The following NPAS2 variants were observed in gnomAD, a reference collection of about 807,000 sequenced individuals.
NPAS2 encodes neuronal PAS domain-containing protein 2.
NPAS2 carries 23 observed loss-of-function variants against 107.5 expected under a neutral mutation model. That is an observed-to-expected ratio of 0.21 (90% CI 0.15 to 0.30). NPAS2 has a LOEUF of 0.30. Ranked by LOEUF, NPAS2 falls within the 10% of genes least tolerant of loss-of-function variation. The probability of loss-of-function intolerance (pLI) is 1.00; values close to 1 mark genes in which losing one functional copy is unlikely to be tolerated. For missense variants in NPAS2, 756 were observed against 1,043.3 expected (o/e 0.72, Z 3.79); for synonymous variants, 403 against 417.5 (o/e 0.97, Z 0.42).
intron 1 of NPAS2, among the ~76,000 whole-genome samples, chr2:100,903,605 G>A (rs1681935521): frequency 6.6e-6 from 1 of 152,206 alleles, no homozygotes; most frequent in Non-Finnish European, 1.5e-5. Flanking sequence ...TTTGCGAAGT[G>A]CTGGTTTGGG....
Position 100,995,929 on chromosome 2 carries a change from G to A in NPAS2, c.*347G>A. The A allele has an allele frequency of 7.1e-7, 1 of 1,398,872 alleles. No individual in the cohort carries two copies. The allele number at this position is 1,398,872 out of a possible 1,614,324, so 86.7% of individuals were successfully genotyped here. On this transcript the variant is annotated 3_prime_UTR_variant, in exon 21 of 21. Transcript: ENST00000335681. Reference sequence around the variant, plus strand: ...AGTACACCGGTTGCTCTAGCCACCTGCGGCCCGCCCATCTGCGCTAGCTGG... The same window carrying A: ...AGTACACCGGTTGCTCTAGCCACCTACGGCCCGCCCATCTGCGCTAGCTGG...
At chr2:100,898,155 G>C (rs990098203) in intron 1 of NPAS2, among the ~76,000 whole-genome samples, 5 of 151,902 alleles carry the variant, frequency 3.3e-5, no homozygotes, top group Non-Finnish European at 4.4e-5. Context: ...CTTGAACTCC[G>C]GGCTCAAGCA....
intron 1 of NPAS2, among the ~76,000 whole-genome samples, chr2:100,851,507 T>C (rs1409493793): frequency 6.6e-6 from 1 of 152,184 alleles, no homozygotes; most frequent in African/African-American, 2.4e-5. Flanking sequence ...AAGGAAAGGC[T>C]TTACTAACCA....
intron 1 of NPAS2, among the ~76,000 whole-genome samples, chr2:100,865,881 C>T (rs958158916): frequency 2.6e-5 from 4 of 152,162 alleles, no homozygotes; most frequent in African/African-American, 7.2e-5. Context: ...AACTACCTCC[C>T]GCTAAAATTG....
At chr2:100,842,262 T>C (rs1222654578) in intron 1 of NPAS2, among the ~76,000 whole-genome samples, 1 of 152,216 alleles carries the variant, frequency 6.6e-6, no homozygotes. Flanking sequence ...TTATTTATAC[T>C]TTAAAAGGTT....
intron 1 of NPAS2, among the ~76,000 whole-genome samples, chr2:100,872,925 C>T (rs1679667605): frequency 6.6e-6 from 1 of 152,148 alleles, no homozygotes; most frequent in Admixed American, 6.6e-5. Context: ...ATCTGCATAT[C>T]TATTGTGACT....
chr2:100,943,077 G>C (rs1674672449), intron 5 of NPAS2, among the ~76,000 whole-genome samples: 1 of 152,150 alleles, frequency 6.6e-6, no homozygotes, highest in African/African-American at 2.4e-5. Context: ...ACTAGATGTA[G>C]AATGGCTGGG....
intron 7 of NPAS2, among the ~76,000 whole-genome samples, 159 bp downstream of exon 7, chr2:100,949,639 G>A (rs1228648660): frequency 2.0e-5 from 3 of 152,088 alleles, no homozygotes; most frequent in Non-Finnish European, 2.9e-5. Context: ...TGTGCTCATC[G>A]ATGTTCTCTC....
At chr2:100,877,538 C>T (rs1343085543) in intron 1 of NPAS2, among the ~76,000 whole-genome samples, 1 of 152,058 alleles carries the variant, frequency 6.6e-6, no homozygotes, top group East Asian at 1.9e-4. Context: ...CAGTTGGAGC[C>T]ATGCAAGCAT....
chr2:100,975,136 A>G (rs1330244632), intron 13 of NPAS2, 192 bp downstream of exon 13: 1 of 614,304 alleles, frequency 1.6e-6, no homozygotes. Flanking sequence ...TCTGGTATCC[A>G]TTCATTGCCA....
chr2:100,967,330 C>A (rs1558920516), intron 10 of NPAS2, among the ~76,000 whole-genome samples: 1 of 148,668 alleles, frequency 6.7e-6, no homozygotes, highest in Admixed American at 6.7e-5. Flanking sequence ...GGGTTCACGC[C>A]ATTCTCCTGC....
At chr2:100,898,044 C>G (rs1254726299) in intron 1 of NPAS2, among the ~76,000 whole-genome samples, 1 of 152,118 alleles carries the variant, frequency 6.6e-6, no homozygotes, top group Non-Finnish European at 1.5e-5. Flanking sequence ...AATTGATCCC[C>G]AAATTCAATT....
At chr2:100,937,968 A>G (rs538935841) in intron 5 of NPAS2, 126 bp downstream of exon 5, 44 of 809,486 alleles carry the variant, frequency 5.4e-5, no homozygotes, top group South Asian at 3.1e-4. Context: ...GCGGAGAGTA[A>G]AGGACTGCTG....
chr2:100,895,025 G>A (rs1247528930), intron 1 of NPAS2, among the ~76,000 whole-genome samples: 2 of 152,196 alleles, frequency 1.3e-5, no homozygotes, highest in Non-Finnish European at 2.9e-5. Context: ...GGAGTTTACT[G>A]TGTCAAGGGT....
At chr2:100,850,979 A>AT (rs1678138062) in intron 1 of NPAS2, among the ~76,000 whole-genome samples, 1 of 150,486 alleles carries the variant, frequency 6.6e-6, no homozygotes, top group Non-Finnish European at 1.5e-5. Context: ...AAAAAAAAAA[A>AT]AGGAAGGACA....
chr2:100,835,959 G>A (rs1333757424), intron 1 of NPAS2, among the ~76,000 whole-genome samples: 1 of 152,162 alleles, frequency 6.6e-6, no homozygotes, highest in East Asian at 1.9e-4. Flanking sequence ...GAGTAACAGG[G>A]TTTTCTAAGT....
At chr2:100,857,832 T>C (rs1260415130) in intron 1 of NPAS2, among the ~76,000 whole-genome samples, 1 of 152,240 alleles carries the variant, frequency 6.6e-6, no homozygotes, top group Non-Finnish European at 1.5e-5. Context: ...CACATGTGTA[T>C]ATTTTGTGAT....
chr2:100,939,063 G>C lies in NPAS2; in HGVS notation c.363+1221G>C, dbSNP rs7603032. 7.6e-3 allele frequency among the ~76,000 whole-genome samples: 1,151 copies of C among 152,194 alleles called. 10 individuals are homozygous for C. The highest frequency in any genetic ancestry group is 0.026 in the African/African-American group (1,088 of 41,532). On this transcript the variant is annotated intron_variant, in intron 5 of 20. Transcript: ENST00000335681. ...GGGAACAGCGTGGCCTTGTTCCATG[G>C]GCAGCTTCCATCTGCCTTGGGGTGA...
chr2:100,875,030 T>C (rs1287122748), intron 1 of NPAS2, among the ~76,000 whole-genome samples: 2 of 152,244 alleles, frequency 1.3e-5, no homozygotes, highest in Non-Finnish European at 2.9e-5. Flanking sequence ...TTGATATTTT[T>C]ATCATTTTTA....
Sources: allele counts gnomAD v4.1 joint callset (sites outside exome capture counted in the v4.1 genomes callset), GRCh38; gene constraint gnomAD v4.1.1; transcripts MANE v1.5; gene names NCBI Gene and HGNC (gene_info 2026-07-23, HGNC 2026-07-21).